Variants in RBFOX1 observed in about 807,000 individuals in gnomAD.
RBFOX1 encodes the protein RNA binding protein fox-1 homolog 1.
A neutral mutation model predicts 57.7 loss-of-function variants in RBFOX1; 8 were observed. That is an observed-to-expected ratio of 0.14 (90% CI 0.08 to 0.25). The LOEUF is 0.25. RBFOX1 is among the 10% of genes least tolerant of loss of function. The pLI is 1.00. For synonymous variants in RBFOX1, 326 were observed against 222.4 expected (o/e 1.47, Z -4.15); for missense variants, 611 against 548.5 (o/e 1.11, Z -1.14).
chr16:6,222,014 A>C (rs1336728192), intron 1 of RBFOX1, among the ~76,000 whole-genome samples: 1 of 152,138 alleles, frequency 6.6e-6, no homozygotes, highest in Admixed American at 6.6e-5. Flanking sequence ...TCCTCATGTC[A>C]CTTTTTAATG....
At chr16:7,619,909 C>G (rs17144361) in intron 10 of RBFOX1, among the ~76,000 whole-genome samples, 14,178 of 152,198 alleles carry the variant, frequency 0.093, 965 homozygotes, top group African/African-American at 0.19. Flanking sequence ...TACAGTGGCT[C>G]TGCCGGACAG....
Position 6,835,181 on chromosome 16 carries a change from G to A in RBFOX1, c.-16+180531G>A, listed in dbSNP as rs554518073. 1.1e-4 allele frequency among the ~76,000 whole-genome samples: 17 copies of A among 152,166 alleles called. No homozygotes were observed. In the South Asian group the frequency reaches 1.7e-3, roughly 15 times the overall value. On this transcript the variant is annotated intron_variant, in intron 3 of 15. Transcript: ENST00000550418. The stretch of plus-strand genomic sequence containing the variant: ...CTCCCACAGTGTTGGGATCACAGGC[G>A]TGAGCCACCACGCCCGACCGGCCTG...
chr16:5,452,092 T>A (rs955284302), intron 1 of RBFOX1, among the ~76,000 whole-genome samples: 16 of 151,142 alleles, frequency 1.1e-4, no homozygotes, highest in Non-Finnish European at 1.6e-4. Flanking sequence ...AATTCCTGAT[T>A]CTGATTTATC....
intron 3 of RBFOX1, among the ~76,000 whole-genome samples, chr16:5,796,737 A>G (rs886163832): frequency 6.6e-6 from 1 of 152,228 alleles, no homozygotes; most frequent in Admixed American, 6.5e-5. Flanking sequence ...GCCTGTGGTC[A>G]TCCAGCTAGA....
At chr16:5,465,694 T>C (rs1025696932) in intron 1 of RBFOX1, among the ~76,000 whole-genome samples, 5 of 152,204 alleles carry the variant, frequency 3.3e-5, no homozygotes, top group Admixed American at 6.5e-5. Context: ...ATAACAAACA[T>C]ACTAATAATA....
intron 3 of RBFOX1, among the ~76,000 whole-genome samples, chr16:6,899,130 T>G (rs1355740545): frequency 6.6e-6 from 1 of 151,700 alleles, no homozygotes; most frequent in Non-Finnish European, 1.5e-5. Context: ...TGCATATGTG[T>G]ATATGTGTGT....
At chr16:7,189,300 C>G (rs1419821492) in intron 4 of RBFOX1, among the ~76,000 whole-genome samples, 2 of 151,608 alleles carry the variant, frequency 1.3e-5, no homozygotes, top group East Asian at 2.0e-4. Context: ...GTGGCGGGCG[C>G]CTGAAGTCAC....
chr16:7,683,034 A>ATATATATATATATATATATATATAT (rs1568439301), intron 14 of RBFOX1, among the ~76,000 whole-genome samples: 1 of 92,586 alleles, frequency 1.1e-5, no homozygotes, highest in Middle Eastern at 6.3e-3. Context: ...ATATATATAT[A>ATATATATATATATATATATATATAT]AAACAGTGCT....
chr16:6,235,435 A>C (rs1424968391), intron 1 of RBFOX1, among the ~76,000 whole-genome samples: 1 of 152,154 alleles, frequency 6.6e-6, no homozygotes, highest in African/African-American at 2.4e-5. Flanking sequence ...TCATCATATG[A>C]AAAAGACACT....
intron 1 of RBFOX1, among the ~76,000 whole-genome samples, chr16:5,250,229 G>T (rs1157596791): frequency 6.6e-6 from 1 of 152,128 alleles, no homozygotes; most frequent in East Asian, 1.9e-4. Flanking sequence ...TAACACTGGG[G>T]AGGGTTGGGG....
chr16:5,764,899 GAAAT>G (rs2053723431), intron 3 of RBFOX1, among the ~76,000 whole-genome samples: 1 of 152,104 alleles, frequency 6.6e-6, no homozygotes, highest in Non-Finnish European at 1.5e-5. Flanking sequence ...ATCATCCTAT[GAAAT>G]AAATACAATT....
intron 3 of RBFOX1, among the ~76,000 whole-genome samples, chr16:5,856,345 A>G (rs1288491899): frequency 7.3e-6 from 1 of 136,388 alleles, no homozygotes; most frequent in Admixed American, 7.7e-5. Context: ...TTATATATAT[A>G]TATATATAAT....
chr16:7,228,549 A>C (rs549862298), intron 4 of RBFOX1, among the ~76,000 whole-genome samples: 49 of 152,324 alleles, frequency 3.2e-4, no homozygotes, highest in Admixed American at 9.8e-4. Flanking sequence ...GGGAAACTGA[A>C]AACCAGAGAA....
chr16:7,204,523 G>C (rs1039316836), intron 4 of RBFOX1, among the ~76,000 whole-genome samples: 1 of 152,140 alleles, frequency 6.6e-6, no homozygotes, highest in Admixed American at 6.6e-5. Flanking sequence ...ATATGCACCT[G>C]TAGTCCCAGT....
intron 11 of RBFOX1, among the ~76,000 whole-genome samples, chr16:7,640,156 A>C (rs1394038421): frequency 2.0e-5 from 3 of 152,156 alleles, no homozygotes. Context: ...CACTACCCCC[A>C]ACTTCTTCAT....
chr16:6,401,336 A>G (rs2093059746), intron 2 of RBFOX1, among the ~76,000 whole-genome samples: 1 of 152,226 alleles, frequency 6.6e-6, no homozygotes, highest in African/African-American at 2.4e-5. Context: ...GTACACTGAT[A>G]TAAATAAATT....
At chr16:5,786,449 T>G (rs887576613) in intron 3 of RBFOX1, among the ~76,000 whole-genome samples, 1 of 151,294 alleles carries the variant, frequency 6.6e-6, no homozygotes, top group Non-Finnish European at 1.5e-5. Flanking sequence ...TTATGCAGAG[T>G]TGAAATAGTG....
chr16:6,917,970 A>C (rs1030630112), intron 3 of RBFOX1, among the ~76,000 whole-genome samples: 1 of 152,076 alleles, frequency 6.6e-6, no homozygotes, highest in African/African-American at 2.4e-5. Flanking sequence ...CCTACAGGAG[A>C]GCCACTTACG....
intron 3 of RBFOX1, among the ~76,000 whole-genome samples, chr16:6,709,917 C>T (rs917064893): frequency 2.0e-4 from 30 of 152,214 alleles, no homozygotes; most frequent in African/African-American, 6.0e-4. Context: ...GCTGTTCTAA[C>T]GGGGCCCTTT....
Sources: allele counts gnomAD v4.1 joint callset (sites outside exome capture counted in the v4.1 genomes callset), GRCh38; gene constraint gnomAD v4.1.1; transcripts MANE v1.5; gene names NCBI Gene and HGNC (gene_info 2026-07-23, HGNC 2026-07-21).